ATRNL1: variants seen among roughly 807,000 people sequenced by gnomAD.
The protein encoded by ATRNL1 is attractin like 1, also known as attractin-like protein 1.
In ATRNL1, 95 loss-of-function variants were observed where a neutral mutation model predicts 182.7. The observed-to-expected ratio is 0.52, with a 90% CI of 0.44 to 0.62. The LOEUF (loss-of-function observed/expected upper bound fraction) is 0.62. ATRNL1 is among the 20% of genes least tolerant of loss of function. The pLI is 0.00. For synonymous variants in ATRNL1, 576 were observed against 568.3 expected, an observed-to-expected ratio of 1.01 and a Z score of -0.19; for missense variants, 1,471 against 1,679.5, an observed-to-expected ratio of 0.88 and a Z score of 2.17.
intron 1 of ATRNL1, among the ~76,000 whole-genome samples, chr10:115,099,104 C>T (rs781794025): frequency 5.3e-5 from 8 of 152,208 alleles, no homozygotes; most frequent in Non-Finnish European, 4.4e-5. Context: ...TTGCCAATTC[C>T]TGTCCCAGGG....
At chr10:115,425,991 A>T (rs1336694705) in intron 20 of ATRNL1, among the ~76,000 whole-genome samples, 1 of 152,076 alleles carries the variant, frequency 6.6e-6, no homozygotes, top group Non-Finnish European at 1.5e-5. Flanking sequence ...GCCTTTTAAC[A>T]TTCCTTATAT....
chr10:115,440,522 C>G (rs1321326883), intron 21 of ATRNL1, among the ~76,000 whole-genome samples: 1 of 151,880 alleles, frequency 6.6e-6, no homozygotes, highest in Non-Finnish European at 1.5e-5. Context: ...ATTATTCAAA[C>G]TCATTGAAAT....
At chr10:115,574,557 C>T (rs992391621) in intron 26 of ATRNL1, among the ~76,000 whole-genome samples, 3 of 152,072 alleles carry the variant, frequency 2.0e-5, no homozygotes, top group African/African-American at 7.2e-5. Flanking sequence ...TTTATATTTT[C>T]TGCAACTTGT....
At chr10:115,435,084 G>A (rs1267619687) in intron 21 of ATRNL1, among the ~76,000 whole-genome samples, 1 of 147,690 alleles carries the variant, frequency 6.8e-6, no homozygotes, top group Non-Finnish European at 1.5e-5. Flanking sequence ...AGGCTGGAGT[G>A]TGGTGGCCCA....
intron 28 of ATRNL1, among the ~76,000 whole-genome samples, chr10:115,883,352 G>C (rs1287254163): frequency 2.6e-5 from 4 of 152,254 alleles, no homozygotes; most frequent in Non-Finnish European, 5.9e-5. Flanking sequence ...AGCTACAGCT[G>C]TTGGGAGTGA....
chr10:115,740,884 A>G (rs551400919), intron 27 of ATRNL1, among the ~76,000 whole-genome samples: 12 of 151,870 alleles, frequency 7.9e-5, no homozygotes, highest in South Asian at 2.1e-4. Flanking sequence ...GGAATAGACT[A>G]TCAAGTATGT....
intron 19 of ATRNL1, among the ~76,000 whole-genome samples, chr10:115,379,044 A>C (rs1228825218): frequency 6.6e-6 from 1 of 151,950 alleles, no homozygotes; most frequent in African/African-American, 2.4e-5. Flanking sequence ...TTTTTTTTAT[A>C]AACAACTTCT....
intron 19 of ATRNL1, among the ~76,000 whole-genome samples, chr10:115,365,684 T>C (rs1195699648): frequency 1.3e-5 from 2 of 151,346 alleles, no homozygotes; most frequent in African/African-American, 2.5e-5. Context: ...CTCTACACAC[T>C]GCTTTGAATG....
rs141602626 is a variant in ATRNL1 at position 115,919,703 on chromosome 10, A to T, written c.4019-24955A>T. ...CATGGGCTGTTACAACAAAAACATC[A>T]TTGGGTGGCTTAAACAGCAAACATT... On this transcript the variant is annotated intron_variant, in intron 28 of 28. Transcript: ENST00000355044. Among the ~76,000 whole-genome samples, 570 of 152,260 alleles carry T rather than the reference A, an allele frequency of 3.7e-3. 5 individuals carry two copies. Among genetic ancestry groups the T allele is most frequent in the Non-Finnish European group, 3.1e-3 (211 of 68,038 alleles).
At chr10:115,408,875 A>C (rs1404450621) in intron 20 of ATRNL1, among the ~76,000 whole-genome samples, 1 of 152,164 alleles carries the variant, frequency 6.6e-6, no homozygotes, top group Non-Finnish European at 1.5e-5. Context: ...GTCAAAAATC[A>C]GTTGGCTGTA....
chr10:115,721,516 G>T lies in ATRNL1; in HGVS notation c.3796-5732G>T, dbSNP rs543753496. Among the ~76,000 whole-genome samples, 4 of 152,074 alleles carry T rather than the reference G, an allele frequency of 2.6e-5. No homozygotes were observed. The East Asian group carries it at 7.8e-4, about 29-fold the overall frequency. ...GGGAGGCCTCAGAATCATGGTGGGG[G>T]GCCAAAGCACTTCTTACATGGCAGC... On this transcript the variant is annotated intron_variant, in intron 26 of 28. Transcript: ENST00000355044.
intron 26 of ATRNL1, among the ~76,000 whole-genome samples, chr10:115,629,888 G>C (rs1449037789): frequency 7.2e-5 from 11 of 152,096 alleles, no homozygotes; most frequent in Non-Finnish European, 1.5e-5. Flanking sequence ...TATTTGAGTT[G>C]AATGTTGACT....
At chr10:115,288,463 T>C (rs913596429) in intron 15 of ATRNL1, among the ~76,000 whole-genome samples, 11 of 152,114 alleles carry the variant, frequency 7.2e-5, no homozygotes, top group African/African-American at 2.7e-4. Context: ...GTTTCCCTGA[T>C]GATTAGTGAT....
intron 8 of ATRNL1, among the ~76,000 whole-genome samples, chr10:115,174,665 C>A (rs533462412): frequency 6.6e-6 from 1 of 151,984 alleles, no homozygotes; most frequent in African/African-American, 2.4e-5. Context: ...TGCCTTGTAG[C>A]CTGAAAGTTG....
rs1278446917 is a variant in ATRNL1, at chr10:115,533,668, C to T, written c.3716+14344C>T. On this transcript the variant is annotated intron_variant, in intron 25 of 28. Transcript: ENST00000355044. ...TAGGTTTTGAATGTGTTTGCTCTTG[C>T]TTTTCTAGTTCTTTTAATTGTGATG... 3.2e-3 allele frequency among the ~76,000 whole-genome samples: 486 copies of T among 151,596 alleles called. 2 individuals are homozygous for T. Among genetic ancestry groups the T allele is most frequent in the African/African-American group, 0.011 (469 of 41,340 alleles).
At chr10:115,416,864 C>G (rs1394448774) in intron 20 of ATRNL1, among the ~76,000 whole-genome samples, 8 of 152,080 alleles carry the variant, frequency 5.3e-5, no homozygotes, top group African/African-American at 1.9e-4. Context: ...CTTTTTAAGT[C>G]AATATCTCAG....
At chr10:115,508,172 C>T (rs1336119) in intron 24 of ATRNL1, among the ~76,000 whole-genome samples, 107,757 of 151,816 alleles carry the variant, frequency 0.71, 39,452 homozygotes, top group African/African-American at 0.82. Context: ...ATCAGTGCTC[C>T]TCGATGTTAC....
chr10:115,593,595 A>T (rs1026741919), intron 26 of ATRNL1, among the ~76,000 whole-genome samples: 1 of 152,164 alleles, frequency 6.6e-6, no homozygotes, highest in Non-Finnish European at 1.5e-5. Context: ...AAATGCCTAC[A>T]CTTATATGTA....
At chr10:115,427,738 T>C (rs1163395134) in intron 21 of ATRNL1, among the ~76,000 whole-genome samples, 4 of 152,104 alleles carry the variant, frequency 2.6e-5, no homozygotes, top group African/African-American at 9.7e-5. Context: ...TGTCTGTAAA[T>C]GTGTGGGTCT....
Sources: allele counts gnomAD v4.1 joint callset (sites outside exome capture counted in the v4.1 genomes callset), GRCh38; gene constraint gnomAD v4.1.1; transcripts MANE v1.5; gene names NCBI Gene and HGNC (gene_info 2026-07-23, HGNC 2026-07-21).